The following SLC22A2 variants were observed in gnomAD, a reference collection of about 807,000 sequenced individuals.
The protein encoded by SLC22A2 is solute carrier family 22 member 2.
In SLC22A2, 46 loss-of-function variants were observed where a neutral mutation model predicts 60.5. The ratio of observed to expected loss-of-function variants is 0.76; its 90% CI spans 0.60 to 0.97. SLC22A2 has a LOEUF of 0.97. Among genes scored for constraint, SLC22A2 ranks in the 50% least tolerant of loss-of-function variants. The probability of loss-of-function intolerance (pLI) is 0.00; values close to 1 mark genes in which losing one functional copy is unlikely to be tolerated. For synonymous variants in SLC22A2, 303 were observed against 267.0 expected, an observed-to-expected ratio of 1.13 and a Z score of -1.31; for missense variants, 701 against 706.6, an observed-to-expected ratio of 0.99 and a Z score of 0.09.
intron 2 of SLC22A2, among the ~76,000 whole-genome samples, chr6:160,253,823 G>T (rs1179740824): frequency 6.6e-6 from 1 of 152,128 alleles, no homozygotes; most frequent in East Asian, 1.9e-4. Context: ...GTGTAATGGT[G>T]CACACTTCTA....
chr6:160,232,876 C>G (rs540191280), intron 9 of SLC22A2, among the ~76,000 whole-genome samples: 1 of 151,902 alleles, frequency 6.6e-6, no homozygotes, highest in Non-Finnish European at 1.5e-5. Context: ...TCTTTTCCCA[C>G]GTAAGGCAAA....
chr6:160,226,070 C>G (rs1782716099), intron 9 of SLC22A2, among the ~76,000 whole-genome samples: 1 of 152,154 alleles, frequency 6.6e-6, no homozygotes, highest in Admixed American at 6.5e-5. Context: ...GATTCTGACC[C>G]TTTCTAAACT....
At chr6:160,223,635 T>C (rs988389019) in intron 10 of SLC22A2, among the ~76,000 whole-genome samples, 18 of 152,270 alleles carry the variant, frequency 1.2e-4, no homozygotes, top group Non-Finnish European at 2.9e-5. Flanking sequence ...CCTTAATGAC[T>C]AGTCCTGTAC....
At chr6:160,227,781 G>C (rs1248236064) in intron 9 of SLC22A2, among the ~76,000 whole-genome samples, 1 of 152,210 alleles carries the variant, frequency 6.6e-6, no homozygotes, top group Non-Finnish European at 1.5e-5. Flanking sequence ...GGATGAGATA[G>C]GAGGTCAGCA....
intron 5 of SLC22A2, among the ~76,000 whole-genome samples, chr6:160,246,026 C>T (rs1395541107): frequency 7.2e-6 from 1 of 139,146 alleles, no homozygotes; most frequent in Non-Finnish European, 1.6e-5. Flanking sequence ...CGCCACCATG[C>T]CCAGCTAATT....
intron 7 of SLC22A2, 65 bp from the exon 8 acceptor site, chr6:160,242,467 A>G: frequency 2.1e-6 from 2 of 935,318 alleles, no homozygotes; most frequent in Non-Finnish European, 3.6e-6. Flanking sequence ...ACAGTGCTCC[A>G]GAGTGGGACT....
intron 6 of SLC22A2, 83 bp downstream of exon 6, chr6:160,245,356 G>T: frequency 1.3e-6 from 1 of 745,534 alleles, no homozygotes; most frequent in Non-Finnish European, 2.2e-6. Context: ...CCGGGATGAG[G>T]TCATGTTTTC....
At chr6:160,235,915 A>G (rs1189727946) in intron 9 of SLC22A2, among the ~76,000 whole-genome samples, 5 of 152,202 alleles carry the variant, frequency 3.3e-5, no homozygotes, top group Non-Finnish European at 5.9e-5. Context: ...CTCTATTTGT[A>G]TAAATACATT....
intron 3 of SLC22A2, 173 bp downstream of exon 3, chr6:160,250,375 G>T (rs1192850049): frequency 3.2e-6 from 2 of 633,134 alleles, no homozygotes; most frequent in Admixed American, 2.6e-5. Context: ...TTTATAAGGA[G>T]GAATGCTGAA....
At position 160,217,420 on chromosome 6, in the gene SLC22A2, C is replaced by A. The variant is rs150706757; in HGVS notation, c.*12G>T. ...CAAAGCTAGGTCATGACAGCAGCAACGGTCTCTCTTCTTAGTTCAATGGAA... is the reference window on the plus strand; with the variant it reads ...CAAAGCTAGGTCATGACAGCAGCAAAGGTCTCTCTTCTTAGTTCAATGGAA... On this transcript the variant is annotated 3_prime_UTR_variant, in exon 11 of 11. Transcript: ENST00000366953. 2 of 1,568,132 alleles carry A rather than the reference C, an allele frequency of 1.3e-6. No homozygotes were observed. The highest frequency in any genetic ancestry group is 1.8e-6 in the Non-Finnish European group (2 of 1,140,390).
chr6:160,220,627 A>T (rs897873458), intron 10 of SLC22A2, among the ~76,000 whole-genome samples: 8 of 152,332 alleles, frequency 5.3e-5, no homozygotes, highest in Non-Finnish European at 7.3e-5. Context: ...TATTTCTTAA[A>T]TAATAATACT....
intron 10 of SLC22A2, among the ~76,000 whole-genome samples, chr6:160,221,513 CA>C (rs1338609151): frequency 1.3e-5 from 2 of 152,214 alleles, no homozygotes; most frequent in Non-Finnish European, 2.9e-5. Flanking sequence ...CTACCTGGTA[CA>C]AGAGTCCTCA....
intron 9 of SLC22A2, among the ~76,000 whole-genome samples, chr6:160,228,624 C>G (rs1158211812): frequency 6.6e-6 from 1 of 152,176 alleles, no homozygotes; most frequent in Non-Finnish European, 1.5e-5. Context: ...TAGGCATATA[C>G]AGGATCATAG....
intron 5 of SLC22A2, among the ~76,000 whole-genome samples, chr6:160,246,151 C>G (rs561147752): frequency 6.6e-6 from 1 of 151,948 alleles, no homozygotes; most frequent in East Asian, 2.0e-4. Flanking sequence ...CAGGCATGAG[C>G]CACTGCGCCC....
chr6:160,235,884 T>C (rs1301089460), intron 9 of SLC22A2, among the ~76,000 whole-genome samples: 2 of 152,160 alleles, frequency 1.3e-5, no homozygotes, highest in African/African-American at 2.4e-5. Context: ...GAACATAAAA[T>C]GGTGTTTGGC....
intron 2 of SLC22A2, 30 bp from the exon 3 acceptor site, chr6:160,250,732 TG>T (rs769763080): frequency 5.6e-6 from 9 of 1,604,368 alleles, no homozygotes; most frequent in African/African-American, 5.4e-5. Flanking sequence ...GAGAGGGAAT[TG>T]AATTAATTTT....
chr6:160,229,050 A>G (rs969586170), intron 9 of SLC22A2, among the ~76,000 whole-genome samples: 17 of 151,876 alleles, frequency 1.1e-4, no homozygotes, highest in African/African-American at 4.1e-4. Context: ...ACACCAGTGA[A>G]ATTTGGTTCC....
At chr6:160,217,544 G>A (rs777500230) in intron 10 of SLC22A2, 46 bp from the exon 11 acceptor site, 1 of 1,102,152 alleles carries the variant, frequency 9.1e-7, no homozygotes, top group Admixed American at 1.9e-5. Flanking sequence ...AAATTATGAG[G>A]AGGCTGAAAA....
intron 10 of SLC22A2, among the ~76,000 whole-genome samples, chr6:160,220,487 CCT>C (rs1782627677): frequency 6.6e-6 from 1 of 152,196 alleles, no homozygotes; most frequent in Non-Finnish European, 1.5e-5. Context: ...ATTTTGACCT[CCT>C]CTAATGATCC....
Sources: allele counts gnomAD v4.1 joint callset (sites outside exome capture counted in the v4.1 genomes callset), GRCh38; gene constraint gnomAD v4.1.1; transcripts MANE v1.5; gene names NCBI Gene and HGNC (gene_info 2026-07-23, HGNC 2026-07-21).